The following LGSN variants were observed in gnomAD, a reference collection of about 807,000 sequenced individuals.
LGSN encodes the protein lengsin, lens protein with glutamine synthetase domain.
A neutral mutation model predicts 19.5 loss-of-function variants in LGSN; 21 were observed. The observed-to-expected ratio is 1.07, with a 90% CI of 0.76 to 1.55. LGSN has a LOEUF of 1.55. LGSN is among the 40% of genes most tolerant of loss of function. The pLI, the probability that LGSN is intolerant of heterozygous loss-of-function variation, is 0.00. For missense variants in LGSN, 673 were observed against 608.5 expected (o/e 1.11, Z -1.12); for synonymous variants, 257 against 215.6 (o/e 1.19, Z -1.68).
At chr6:63,496,379 C>A in the LGSN span, among the ~76,000 whole-genome samples, 2 of 152,162 alleles carry the variant, frequency 1.3e-5, no homozygotes, top group African/African-American at 4.8e-5. Context: ...CAATGACACA[C>A]ACATAATAAG....
chr6:63,495,456 CTTTTTTT>C, the LGSN span, among the ~76,000 whole-genome samples: 2 of 77,756 alleles, frequency 2.6e-5, no homozygotes, highest in East Asian at 3.6e-4. Flanking sequence ...TTTTCTTTTT[CTTTTTTT>C]TTTTTTTTTT....
the LGSN span, among the ~76,000 whole-genome samples, chr6:63,373,876 A>C: frequency 1.8e-3 from 273 of 151,918 alleles, 3 homozygotes; most frequent in Middle Eastern, 6.8e-3. Context: ...TGGAGGTTGC[A>C]GTGAGCCAAG....
chr6:63,419,001 C>T, the LGSN span, among the ~76,000 whole-genome samples: 9 of 152,132 alleles, frequency 5.9e-5, no homozygotes, highest in Admixed American at 1.3e-4. Context: ...CCAGAGGATG[C>T]CCAGCAGAGT....
At chr6:63,476,853 T>A in the LGSN span, among the ~76,000 whole-genome samples, 1 of 152,180 alleles carries the variant, frequency 6.6e-6, no homozygotes, top group Non-Finnish European at 1.5e-5. Context: ...AGGAAAGAAG[T>A]CTTATAAAAT....
intron 3 of LGSN, among the ~76,000 whole-genome samples, chr6:63,284,569 A>G (rs1767452825): frequency 6.6e-6 from 1 of 152,196 alleles, no homozygotes; most frequent in South Asian, 2.1e-4. Context: ...AAAACTGAAC[A>G]GCAAACAGTT....
At chr6:63,497,914 G>GTTTTTT in the LGSN span, among the ~76,000 whole-genome samples, 3 of 75,838 alleles carry the variant, frequency 4.0e-5, no homozygotes, top group African/African-American at 2.6e-4. Context: ...GATTTGTCAT[G>GTTTTTT]TTTCTTTTTT....
the LGSN span, among the ~76,000 whole-genome samples, chr6:63,381,011 A>T: frequency 7.9e-5 from 12 of 152,184 alleles, no homozygotes; most frequent in Non-Finnish European, 1.6e-4. Flanking sequence ...AGCCTGGGCA[A>T]CACGGCAAAA....
the LGSN span, among the ~76,000 whole-genome samples, chr6:63,374,075 A>G: frequency 2.0e-4 from 30 of 152,244 alleles, no homozygotes; most frequent in African/African-American, 7.2e-4. Flanking sequence ...TTAGAAAATG[A>G]CCTTATTTTT....
the LGSN span, among the ~76,000 whole-genome samples, chr6:63,343,768 A>G: frequency 6.6e-6 from 1 of 152,328 alleles, no homozygotes; most frequent in Middle Eastern, 3.4e-3. Flanking sequence ...ACTGATTTTA[A>G]AATACAAAGA....
the LGSN span, chr6:63,550,361 A>G: frequency 6.6e-6 from 1 of 152,240 alleles, no homozygotes; most frequent in East Asian, 1.9e-4. Context: ...TTGGGTCACC[A>G]TTTGGTGAGC....
the LGSN span, among the ~76,000 whole-genome samples, chr6:63,522,194 A>G: frequency 6.6e-6 from 1 of 152,206 alleles, no homozygotes; most frequent in Non-Finnish European, 1.5e-5. Context: ...ATGGAATGTC[A>G]TATTCCTTTT....
the LGSN span, among the ~76,000 whole-genome samples, chr6:63,555,692 C>A: frequency 1.9e-3 from 263 of 135,014 alleles, no homozygotes; most frequent in African/African-American, 7.0e-3. Context: ...CAATTACACT[C>A]TTTTTTTTTT....
the LGSN span, among the ~76,000 whole-genome samples, chr6:63,337,656 T>C: frequency 6.6e-6 from 1 of 151,358 alleles, no homozygotes; most frequent in Non-Finnish European, 1.5e-5. Flanking sequence ...ACAAAAAATT[T>C]AGCCAGGCAT....
the LGSN span, among the ~76,000 whole-genome samples, chr6:63,476,100 G>GT: frequency 4.6e-5 from 7 of 151,832 alleles, no homozygotes; most frequent in East Asian, 7.7e-4. Context: ...TTGTTTTTTG[G>GT]TTTTTTTTAC....
chr6:63,422,018 T>C, the LGSN span, among the ~76,000 whole-genome samples: 1 of 152,182 alleles, frequency 6.6e-6, no homozygotes, highest in Non-Finnish European at 1.5e-5. Flanking sequence ...CACAGGAAGA[T>C]ACATATAATA....
the LGSN span, among the ~76,000 whole-genome samples, chr6:63,407,380 C>G: frequency 6.6e-6 from 1 of 152,104 alleles, no homozygotes; most frequent in Non-Finnish European, 1.5e-5. Context: ...TCAATATACG[C>G]AAATCAATAA....
the LGSN span, among the ~76,000 whole-genome samples, chr6:63,394,538 T>G: frequency 6.6e-6 from 1 of 152,190 alleles, no homozygotes; most frequent in African/African-American, 2.4e-5. Flanking sequence ...GGAAAACTCA[T>G]GAATAATCCA....
the LGSN span, among the ~76,000 whole-genome samples, chr6:63,422,954 A>C: frequency 5.9e-5 from 9 of 152,236 alleles, no homozygotes; most frequent in Non-Finnish European, 1.2e-4. Context: ...TAAGCCAACT[A>C]TATCCTATTT....
the LGSN span, among the ~76,000 whole-genome samples, chr6:63,535,383 C>T: frequency 6.6e-6 from 1 of 151,864 alleles, no homozygotes; most frequent in African/African-American, 2.4e-5. Context: ...GCACGAGAAT[C>T]ACTTGAACAG....
Sources: gnomAD v4.1 joint callset for allele counts (sites outside exome capture counted in the v4.1 genomes callset) on GRCh38, gnomAD v4.1.1 for gene constraint, MANE v1.5 for transcripts, NCBI Gene and HGNC (gene_info 2026-07-23, HGNC 2026-07-21) for gene names.